Variants in MIA2 observed in about 807,000 individuals in gnomAD.
The protein encoded by MIA2 is melanoma inhibitory activity protein 2.
In MIA2, 127 loss-of-function variants were observed where a neutral mutation model predicts 167.8. The ratio of observed to expected loss-of-function variants is 0.76; its 90% CI spans 0.66 to 0.88. MIA2 has a LOEUF of 0.88. Ranked by LOEUF, MIA2 falls within the 40% of genes least tolerant of loss-of-function variation. The probability of loss-of-function intolerance (pLI) is 0.00; values close to 1 mark genes in which losing one functional copy is unlikely to be tolerated. For synonymous variants in MIA2, 552 were observed against 541.9 expected (o/e 1.02, Z -0.26); for missense variants, 1,690 against 1,624.7 (o/e 1.04, Z -0.69).
At chr14:39,385,909 C>T (rs913846132) in intron 23 of MIA2, 11 of 872,682 alleles carry the variant, frequency 1.3e-5, no homozygotes, top group Non-Finnish European at 2.0e-5. Context: ...ATCTCCTCTA[C>T]CCCATCTTCT....
chr14:39,242,833 C>G (rs982759703), intron 3 of MIA2, among the ~76,000 whole-genome samples: 1 of 151,624 alleles, frequency 6.6e-6, no homozygotes, highest in Non-Finnish European at 1.5e-5. Context: ...AAAGAAAAAG[C>G]GGGACTTGGC....
chr14:39,346,181 T>C (rs751596762), intron 26 of MIA2, among the ~76,000 whole-genome samples, 155 bp downstream of exon 26: 6 of 152,218 alleles, frequency 3.9e-5, no homozygotes, highest in African/African-American at 7.2e-5. Flanking sequence ...TTTCTTGTTA[T>C]ATTGTACACA....
At chr14:39,288,467 A>ATTTTTTTT (rs1264770913) in intron 9 of MIA2, among the ~76,000 whole-genome samples, 3 of 51,586 alleles carry the variant, frequency 5.8e-5, no homozygotes, top group Admixed American at 3.5e-4. Context: ...ATATATATAT[A>ATTTTTTTT]TATATATATT....
At chr14:39,299,012 C>T (rs1438329770) in intron 13 of MIA2, among the ~76,000 whole-genome samples, 2 of 140,998 alleles carry the variant, frequency 1.4e-5, no homozygotes, top group East Asian at 2.0e-4. Flanking sequence ...ATCTTGAGCC[C>T]AGTAGTTTGA....
At chr14:39,329,954 GT>G (rs2068433746) in intron 25 of MIA2, among the ~76,000 whole-genome samples, 1 of 152,108 alleles carries the variant, frequency 6.6e-6, no homozygotes, top group African/African-American at 2.4e-5. Context: ...TCTCTGCCAG[GT>G]TTTGGTATCA....
chr14:39,332,313 C>T (rs954457221), intron 25 of MIA2, among the ~76,000 whole-genome samples: 1 of 152,230 alleles, frequency 6.6e-6, no homozygotes, highest in East Asian at 1.9e-4. Context: ...ATGTTCTTCT[C>T]GAAATTGGTT....
At chr14:39,289,170 A>G (rs1354916635) in intron 9 of MIA2, among the ~76,000 whole-genome samples, 3 of 151,468 alleles carry the variant, frequency 2.0e-5, no homozygotes, top group African/African-American at 7.3e-5. Flanking sequence ...GCTGGGCCTC[A>G]GTTCAGAGGA....
chr14:39,310,476 A>G (rs185257936), intron 18 of MIA2, among the ~76,000 whole-genome samples: 153 of 152,308 alleles, frequency 1.0e-3, no homozygotes, highest in African/African-American at 3.5e-3. Context: ...AATTAACAAT[A>G]TATATTAAAG....
rs780269117 is a variant in MIA2, at chr14:39,307,894, TC to T, written c.2879-554del. On this transcript the variant is annotated intron_variant, in intron 17 of 28. Transcript: ENST00000640607. ...TATATGGGAGCTAAAAAAGTTGATC[TC>T]ATACAAGTAAAGAGTGGAATAGTAA... Among the ~76,000 whole-genome samples the T allele has an allele frequency of 5.5e-4, 84 of 152,094 alleles. 1 individual carries two copies. The highest frequency in any genetic ancestry group is 1.8e-3 in the African/African-American group (74 of 41,526).
intron 13 of MIA2, among the ~76,000 whole-genome samples, chr14:39,296,509 T>C (rs1328395195): frequency 2.0e-5 from 3 of 151,758 alleles, no homozygotes; most frequent in Non-Finnish European, 4.4e-5. Flanking sequence ...TACACATCTC[T>C]TGACCTCGTG....
intron 13 of MIA2, among the ~76,000 whole-genome samples, chr14:39,297,433 A>G (rs1006022063): frequency 6.6e-6 from 1 of 152,194 alleles, no homozygotes; most frequent in African/African-American, 2.4e-5. Context: ...AGTTGTTGGT[A>G]TCTGAAGAGC....
chr14:39,351,947 C>T (rs2074398357), downstream of MIA2, among the ~76,000 whole-genome samples: 1 of 152,136 alleles, frequency 6.6e-6, no homozygotes, highest in Non-Finnish European at 1.5e-5. Flanking sequence ...GTCGTAATTC[C>T]TGAGTCACTC....
intron 23 of MIA2, among the ~76,000 whole-genome samples, chr14:39,361,695 C>G (rs1416704788): frequency 6.6e-6 from 1 of 152,150 alleles, no homozygotes; most frequent in Admixed American, 6.5e-5. Flanking sequence ...CCGCCTTGGC[C>G]TCCTAAACTG....
At chr14:39,362,777 G>A (rs1461166958) in intron 23 of MIA2, among the ~76,000 whole-genome samples, 1 of 152,008 alleles carries the variant, frequency 6.6e-6, no homozygotes, top group Non-Finnish European at 1.5e-5. Context: ...GTTAGATTGT[G>A]TGAAATTTTC....
At chr14:39,306,530 C>T (rs2063366249) in intron 17 of MIA2, among the ~76,000 whole-genome samples, 1 of 152,090 alleles carries the variant, frequency 6.6e-6, no homozygotes, top group Non-Finnish European at 1.5e-5. Context: ...CATTAGAAAC[C>T]ACCCCCTTGG....
chr14:39,364,216 G>T (rs574808929), intron 23 of MIA2, among the ~76,000 whole-genome samples: 2 of 152,194 alleles, frequency 1.3e-5, no homozygotes, highest in South Asian at 2.1e-4. Context: ...AAATTAGCTG[G>T]GTGTGGTGGC....
intron 25 of MIA2, among the ~76,000 whole-genome samples, chr14:39,331,378 C>T (rs1218069551): frequency 6.6e-6 from 1 of 152,166 alleles, no homozygotes; most frequent in Non-Finnish European, 1.5e-5. Context: ...CTCCTGAATA[C>T]AGTACACCGA....
rs1475821582 is a variant in MIA2 at position 39,247,552 on chromosome 14, G to A, written c.978G>A (p.Gly326=). ...SYLGFGDEDT[G]LELIAEESNP... is the part of the protein sequence containing the mutation. ...TAGGTTTTGGAGATGAGGATACAGG[G>A]CTTGAATTAATAGCTGAAGAAAGCA... The change falls in exon 4 of 29, where the codon GGG becomes GGA. Residue 326 remains glycine, a synonymous_variant. Transcript: ENST00000640607. 1 of 1,613,904 alleles carries A rather than the reference G, an allele frequency of 6.2e-7. No homozygotes were observed. The highest frequency in any genetic ancestry group is 1.3e-5 in the African/African-American group (1 of 74,882).
chr14:39,255,183 G>T (rs973812046), intron 6 of MIA2, among the ~76,000 whole-genome samples: 4 of 152,160 alleles, frequency 2.6e-5, no homozygotes, highest in Non-Finnish European at 5.9e-5. Context: ...ATGATTTGGT[G>T]TTGAAGATGT....
Sources: allele counts gnomAD v4.1 joint callset (sites outside exome capture counted in the v4.1 genomes callset), GRCh38; gene constraint gnomAD v4.1.1; transcripts MANE v1.5; gene names NCBI Gene and HGNC (gene_info 2026-07-23, HGNC 2026-07-21).